TRIM37: variants seen among roughly 807,000 people sequenced by gnomAD.
The protein encoded by TRIM37 is tripartite motif containing 37, also known as E3 ubiquitin-protein ligase TRIM37.
Under a neutral mutation model 129.8 loss-of-function variants are expected in TRIM37, and 80 were observed. The observed-to-expected ratio is 0.62, with a 90% CI of 0.51 to 0.74. The LOEUF is 0.74. Among genes scored for constraint, TRIM37 ranks in the 30% least tolerant of loss-of-function variants. The pLI is 0.00. For synonymous variants in TRIM37, 389 were observed against 387.1 expected (o/e 1.00, Z -0.06); for missense variants, 1,054 against 1,176.5 (o/e 0.90, Z 1.52).
intron 22 of TRIM37, 101 bp downstream of exon 22, chr17:59,012,227 G>C (rs61137009): frequency 2.8e-4 from 173 of 611,780 alleles, no homozygotes; most frequent in Non-Finnish European, 4.2e-4. Context: ...AGCAGCAGCA[G>C]CACCACCACC....
At chr17:59,064,488 T>C in intron 9 of TRIM37, 83 bp from the exon 10 acceptor site, 1 of 939,642 alleles carries the variant, frequency 1.1e-6, no homozygotes. Flanking sequence ...CCCTCACTAG[T>C]ATCTTAAAAA....
chr17:59,030,648 T>C (rs1045419699), intron 18 of TRIM37, among the ~76,000 whole-genome samples: 2 of 152,196 alleles, frequency 1.3e-5, no homozygotes, highest in Admixed American at 1.3e-4. Context: ...TTCCCAATGA[T>C]ACTGATTATT....
At chr17:58,982,743 C>T in exon 25 of TRIM37, 2 of 535,216 alleles carry the variant, frequency 3.7e-6, no homozygotes, top group Admixed American at 6.9e-5. Flanking sequence ...GTCATTTCTT[C>T]TTCTCACGTC....
intron 13 of TRIM37, among the ~76,000 whole-genome samples, chr17:59,056,447 G>A (rs1020656509): frequency 6.6e-6 from 1 of 151,880 alleles, no homozygotes; most frequent in African/African-American, 2.4e-5. Context: ...AAGTGATAAG[G>A]GGCCGGGCAC....
Position 59,070,748 on chromosome 17 carries a change from AAC to A in TRIM37, c.809+73_809+74del. The A allele has an allele frequency of 6.6e-6, 10 of 1,513,046 alleles. No homozygotes were observed. The African/African-American group carries it at 1.1e-4, about 17-fold the overall frequency. The allele number at this position is 1,513,046 out of a possible 1,614,324, so 93.7% of individuals were successfully genotyped here. ...AGAGAGAGATGGCATTAAAAAAAAA[AAC>A]ATTCTTTTGAAACAAGTATATGCAT... is the stretch of plus-strand genomic sequence containing the variant. On this transcript the variant is annotated intron_variant, in intron 9 of 23. Coordinates refer to ENST00000262294, the MANE Select transcript of TRIM37 (RefSeq NM_015294.6).
At chr17:59,080,274 T>C (rs1352688099) in intron 6 of TRIM37, among the ~76,000 whole-genome samples, 2 of 152,214 alleles carry the variant, frequency 1.3e-5, no homozygotes, top group Admixed American at 1.3e-4. Flanking sequence ...GCTTATCACA[T>C]TTTTTCACAG....
chr17:59,044,401 A>C (rs2039558268), intron 16 of TRIM37, among the ~76,000 whole-genome samples: 1 of 152,030 alleles, frequency 6.6e-6, no homozygotes, highest in Admixed American at 6.6e-5. Flanking sequence ...TCTCTACTAA[A>C]ACTACAAAAA....
the TRIM37 span, among the ~76,000 whole-genome samples, chr17:58,976,857 G>C: frequency 2.2e-4 from 33 of 152,222 alleles, no homozygotes; most frequent in East Asian, 6.2e-3. Flanking sequence ...GGAACAGTGT[G>C]ACTCAGATCA....
intron 2 of TRIM37, among the ~76,000 whole-genome samples, chr17:59,093,039 A>T (rs2044537763): frequency 6.6e-6 from 1 of 152,090 alleles, no homozygotes; most frequent in African/African-American, 2.4e-5. Flanking sequence ...AGTCCCAGCT[A>T]CTCAGGAGGC....
chr17:59,027,309 T>C (rs1471233401), intron 19 of TRIM37, among the ~76,000 whole-genome samples: 1 of 152,214 alleles, frequency 6.6e-6, no homozygotes, highest in Non-Finnish European at 1.5e-5. Context: ...GCCTATTAAG[T>C]TGCTTAGGCC....
chr17:59,092,891 G>A (rs1051330910), intron 2 of TRIM37, among the ~76,000 whole-genome samples: 7 of 152,178 alleles, frequency 4.6e-5, no homozygotes, highest in Non-Finnish European at 8.8e-5. Flanking sequence ...TACAGAGCAC[G>A]CCTGTAATCC....
At chr17:59,051,907 G>C (rs1236171265) in intron 13 of TRIM37, among the ~76,000 whole-genome samples, 2 of 151,930 alleles carry the variant, frequency 1.3e-5, no homozygotes, top group Non-Finnish European at 1.5e-5. Flanking sequence ...ATTTTTTGTA[G>C]CAAAATACAA....
chr17:59,025,451 ATAT>A lies in TRIM37; in HGVS notation c.2257+2961_2257+2963del, dbSNP rs529961385. On this transcript the variant is annotated intron_variant, in intron 19 of 23. Transcript: ENST00000262294. The stretch of plus-strand genomic sequence containing the variant: ...TTATATTATTAATATTCATGGATGA[ATAT>A]TATTAATACAGTTGTCTAAGATAAA... Among the ~76,000 whole-genome samples, 429 of 151,878 alleles carry A rather than the reference ATAT, an allele frequency of 2.8e-3. 2 individuals are homozygous for A. The highest frequency in any genetic ancestry group is 9.9e-3 in the African/African-American group (409 of 41,460).
At chr17:58,968,368 T>C in the TRIM37 span, among the ~76,000 whole-genome samples, 3 of 152,162 alleles carry the variant, frequency 2.0e-5, no homozygotes, top group Non-Finnish European at 4.4e-5. Context: ...GAAGTTACAA[T>C]GATCTGTGAT....
chr17:58,990,178 CAAAAAAAAAAAAAAAAA>C (rs35076409), intron 24 of TRIM37, among the ~76,000 whole-genome samples: 1 of 25,596 alleles, frequency 3.9e-5, no homozygotes, highest in African/African-American at 1.7e-4. Flanking sequence ...GACCTTGTCT[CAAAAAAAAAAAAAAAAA>C]AAAAAAAAAA....
intron 3 of TRIM37, 110 bp from the exon 4 acceptor site, chr17:59,088,517 A>AT (rs879379027): frequency 0.021 from 11,695 of 566,974 alleles, no homozygotes; most frequent in East Asian, 0.026. Flanking sequence ...CCATAACACT[A>AT]TTTTTTTTTT....
chr17:59,047,023 G>A (rs1050145461), intron 16 of TRIM37, among the ~76,000 whole-genome samples: 3 of 151,614 alleles, frequency 2.0e-5, no homozygotes, highest in Admixed American at 6.6e-5. Flanking sequence ...GCGAGGTGGC[G>A]GGCGCCTGTA....
chr17:59,093,259 G>T (rs2044560553), intron 2 of TRIM37, among the ~76,000 whole-genome samples: 1 of 152,076 alleles, frequency 6.6e-6, no homozygotes, highest in Non-Finnish European at 1.5e-5. Context: ...CGAAATTTGG[G>T]TCAGGTTTCT....
the TRIM37 span, chr17:58,969,832 T>A: frequency 2.8e-6 from 3 of 1,057,584 alleles, no homozygotes; most frequent in Non-Finnish European, 4.1e-6. Flanking sequence ...GGGCAGACAT[T>A]ATCCAAACTG....
Sources: gnomAD v4.1 joint callset for allele counts (sites outside exome capture counted in the v4.1 genomes callset) on GRCh38, gnomAD v4.1.1 for gene constraint, MANE v1.5 for transcripts, NCBI Gene and HGNC (gene_info 2026-07-23, HGNC 2026-07-21) for gene names.